The following TACR3 variants were observed in gnomAD, a reference collection of about 807,000 sequenced individuals.
The protein encoded by TACR3 is tachykinin receptor 3, also known as neuromedin-K receptor.
A neutral mutation model predicts 35.0 loss-of-function variants in TACR3; 34 were observed. That is an observed-to-expected ratio of 0.97 (90% CI 0.74 to 1.30). TACR3 has a LOEUF of 1.30. TACR3 is among the 50% of genes most tolerant of loss of function. The probability of loss-of-function intolerance (pLI) is 0.00; values close to 1 mark genes in which losing one functional copy is unlikely to be tolerated. For missense variants in TACR3, 558 were observed against 591.7 expected (o/e 0.94, Z 0.59); for synonymous variants, 233 against 221.1 (o/e 1.05, Z -0.48).
At chr4:103,684,956 C>T (rs531347708) in intron 1 of TACR3, among the ~76,000 whole-genome samples, 10 of 151,286 alleles carry the variant, frequency 6.6e-5, no homozygotes, top group African/African-American at 2.4e-4. Flanking sequence ...TGTACTCCAG[C>T]CTGGTGACAG....
intron 3 of TACR3, among the ~76,000 whole-genome samples, chr4:103,652,692 C>T (rs1333648907): frequency 6.6e-6 from 1 of 151,868 alleles, no homozygotes; most frequent in Admixed American, 6.6e-5. Flanking sequence ...AAGAGTCTGG[C>T]TCAGAGTAGT....
chr4:103,618,963 A>T (rs1167891623), intron 3 of TACR3, among the ~76,000 whole-genome samples: 1 of 152,140 alleles, frequency 6.6e-6, no homozygotes, highest in Non-Finnish European at 1.5e-5. Context: ...ATTTTACTAA[A>T]GTTGTTTATC....
intron 3 of TACR3, among the ~76,000 whole-genome samples, chr4:103,653,854 AAAAC>A (rs1372819819): frequency 2.6e-5 from 4 of 152,194 alleles, no homozygotes; most frequent in African/African-American, 4.8e-5. Flanking sequence ...TTTACAAGAA[AAAAC>A]AAACAACCCC....
In TACR3 at chr4:103,642,737, T is replaced by C. The variant is rs537897706; in HGVS notation, c.888+13457A>G. On this transcript the variant is annotated intron_variant, in intron 3 of 4. Transcript: ENST00000304883. ...GGTAGATATAAGGAATACATTCCAG[T>C]GTTTAATAACAGTAGGGTGACTAGG... Among the ~76,000 whole-genome samples, 14 of 151,934 alleles carry C rather than the reference T, an allele frequency of 9.2e-5. No individual in the cohort carries two copies. The East Asian group carries it at 2.7e-3, about 29-fold the overall frequency.
At chr4:103,636,963 A>C (rs1458636192) in intron 3 of TACR3, among the ~76,000 whole-genome samples, 3 of 152,150 alleles carry the variant, frequency 2.0e-5, no homozygotes. Flanking sequence ...ACCAACCAAA[A>C]AAAGTCCAGG....
chr4:103,595,342 C>A (rs937908227), intron 3 of TACR3, among the ~76,000 whole-genome samples: 4 of 151,996 alleles, frequency 2.6e-5, no homozygotes, highest in African/African-American at 4.8e-5. Context: ...GGGTAGCCAC[C>A]CATTACCCTT....
At chr4:103,639,747 C>T (rs1367217691) in intron 3 of TACR3, among the ~76,000 whole-genome samples, 3 of 151,838 alleles carry the variant, frequency 2.0e-5, no homozygotes, top group African/African-American at 7.3e-5. Context: ...GGTTCAAATC[C>T]TGACTCTATT....
At chr4:103,698,984 T>C (rs1441693091) in intron 1 of TACR3, among the ~76,000 whole-genome samples, 1 of 152,218 alleles carries the variant, frequency 6.6e-6, no homozygotes, top group Non-Finnish European at 1.5e-5. Context: ...TTGCAACTTC[T>C]GTTTTTCTGT....
intron 1 of TACR3, among the ~76,000 whole-genome samples, chr4:103,680,981 T>G (rs1722063671): frequency 6.6e-6 from 1 of 151,850 alleles, no homozygotes; most frequent in Admixed American, 6.6e-5. Context: ...AAGCTTTCTC[T>G]TTCTTCCTTA....
intron 1 of TACR3, among the ~76,000 whole-genome samples, chr4:103,705,748 A>T (rs1424539806): frequency 1.3e-5 from 2 of 152,144 alleles, no homozygotes; most frequent in Non-Finnish European, 2.9e-5. Flanking sequence ...GGAGAAGGAA[A>T]ACTGTGTATT....
intron 1 of TACR3, among the ~76,000 whole-genome samples, chr4:103,682,445 C>T (rs543616606): frequency 6.6e-6 from 1 of 152,184 alleles, no homozygotes; most frequent in South Asian, 2.1e-4. Flanking sequence ...AGAGACTGAG[C>T]AAGAGTGGGG....
intron 3 of TACR3, among the ~76,000 whole-genome samples, chr4:103,610,861 C>T (rs1051476221): frequency 2.0e-5 from 3 of 152,090 alleles, no homozygotes; most frequent in African/African-American, 7.2e-5. Flanking sequence ...ACCAGTTTTC[C>T]TAGCCCCATT....
At chr4:103,681,378 A>G (rs1466571944) in intron 1 of TACR3, among the ~76,000 whole-genome samples, 1 of 152,082 alleles carries the variant, frequency 6.6e-6, no homozygotes, top group Non-Finnish European at 1.5e-5. Context: ...TTTTGTCATA[A>G]CATCTCTCAT....
chr4:103,646,028 T>C (rs1490887354), intron 3 of TACR3, among the ~76,000 whole-genome samples: 1 of 152,012 alleles, frequency 6.6e-6, no homozygotes, highest in African/African-American at 2.4e-5. Context: ...TCCTAGTTCC[T>C]AATTCAGTCA....
At chr4:103,619,440 T>A in intron 3 of TACR3, among the ~76,000 whole-genome samples, 1 of 152,246 alleles carries the variant, frequency 6.6e-6, no homozygotes, top group Non-Finnish European at 1.5e-5. Context: ...TCTGCCCACC[T>A]CAGCCTCCCA....
chr4:103,658,193 C>T, intron 2 of TACR3, 22 bp downstream of exon 2: 3 of 1,611,336 alleles, frequency 1.9e-6, no homozygotes, highest in Non-Finnish European at 2.5e-6. Context: ...GAATTGAAAA[C>T]CATAATAGAG....
chr4:103,589,719 A>G lies in TACR3; in HGVS notation c.1361T>C (p.Ile454Thr), dbSNP rs1047653156. ...ATCCACAGAGGTATAGGGTGAGCTTATGAAACTTGAAGTGGCGGAGGCAGA... is the reference window on the plus strand; with the variant it reads ...ATCCACAGAGGTATAGGGTGAGCTTGTGAAACTTGAAGTGGCGGAGGCAGA... Reference protein sequence around the residue: ...SKSASATSSFISSPYTSVDEY... With the variant: ...SKSASATSSFTSSPYTSVDEY... Residue 454 changes from isoleucine to threonine, a missense_variant, in exon 5 of 5, where the codon ATA becomes ACA. By Grantham distance (89) the Ile-to-Thr change is moderately conservative (BLOSUM62 -1). Coordinates refer to ENST00000304883, the MANE Select transcript of TACR3 (RefSeq NM_001059.3). 1.9e-6 allele frequency: 3 copies of G among 1,613,874 alleles called. No individual in the cohort carries two copies. Among genetic ancestry groups the G allele is most frequent in the South Asian group, 2.2e-5 (2 of 91,088 alleles).
intron 3 of TACR3, among the ~76,000 whole-genome samples, chr4:103,633,725 G>A (rs1411450869): frequency 6.6e-6 from 1 of 152,040 alleles, no homozygotes; most frequent in African/African-American, 2.4e-5. Context: ...CCAGGTCATT[G>A]CAATTTAAAT....
At chr4:103,643,279 C>G (rs1320653232) in intron 3 of TACR3, among the ~76,000 whole-genome samples, 1 of 151,714 alleles carries the variant, frequency 6.6e-6, no homozygotes, top group Non-Finnish European at 1.5e-5. Flanking sequence ...TTGGATAGTT[C>G]AGATATGGAA....
Sources: gnomAD v4.1 joint callset for allele counts (sites outside exome capture counted in the v4.1 genomes callset) on GRCh38, gnomAD v4.1.1 for gene constraint, MANE v1.5 for transcripts, NCBI Gene and HGNC (gene_info 2026-07-23, HGNC 2026-07-21) for gene names.